The following CARS2 variants were observed in gnomAD, a reference collection of about 807,000 sequenced individuals.
CARS2 encodes the protein probable cysteine--tRNA ligase, mitochondrial.
CARS2 carries 52 observed loss-of-function variants against 68.8 expected under a neutral mutation model. That is an observed-to-expected ratio of 0.76 (90% CI 0.61 to 0.95). The LOEUF (loss-of-function observed/expected upper bound fraction) is 0.95, where lower values mean the gene tolerates loss of function less well. CARS2 is among the 40% of genes least tolerant of loss of function. CARS2 has a pLI of 0.00. For synonymous variants in CARS2, 314 were observed against 303.6 expected (o/e 1.03, Z -0.36); for missense variants, 780 against 754.2 (o/e 1.03, Z -0.40).
intron 7 of CARS2, among the ~76,000 whole-genome samples, chr13:110,671,367 T>C (rs1454376701): frequency 1.3e-5 from 2 of 152,212 alleles, no homozygotes; most frequent in African/African-American, 2.4e-5. Context: ...GCAGATCTCC[T>C]GGCAGAACCT....
intron 14 of CARS2, 138 bp from the exon 15 acceptor site, chr13:110,641,746 G>T: frequency 2.7e-6 from 2 of 733,784 alleles, no homozygotes; most frequent in South Asian, 3.0e-5. Flanking sequence ...CTTAGAAAGG[G>T]CCCCACTACC....
intron 9 of CARS2, among the ~76,000 whole-genome samples, chr13:110,662,222 T>C (rs2062522901): frequency 9.9e-6 from 1 of 101,232 alleles, no homozygotes; most frequent in Non-Finnish European, 2.0e-5. Context: ...CTCTGCGTCA[T>C]GCAACCCCAC....
chr13:110,712,558 C>G, intron 1 of CARS2: 1 of 301,068 alleles, frequency 3.3e-6, no homozygotes, highest in South Asian at 3.0e-5. Context: ...CGGGGCCGGT[C>G]GCCTAGGCAA....
intron 9 of CARS2, among the ~76,000 whole-genome samples, chr13:110,657,279 C>T (rs572300443): frequency 1.3e-5 from 2 of 152,364 alleles, no homozygotes; most frequent in East Asian, 3.9e-4. Context: ...TCTCCCCTAG[C>T]TCTGACCCCT....
At chr13:110,664,024 T>G in intron 8 of CARS2, 1 of 985,374 alleles carries the variant, frequency 1.0e-6, no homozygotes, top group Non-Finnish European at 1.2e-6. Flanking sequence ...CAGACTTTGA[T>G]GACCTGGGTA....
In CARS2 at chr13:110,701,525, C is replaced by A. The variant is rs747779015; in HGVS notation, c.306G>T (p.Arg102Ser). ...CSYVRFDIIRRILTKVFGCSI... is the reference protein window; with the variant it reads ...CSYVRFDIIRSILTKVFGCSI... The stretch of plus-strand genomic sequence containing the variant: ...TGCATCCAAAAACCTTGGTTAGGAT[C>A]CTTCGAATGATATCAAATCTAACAT... Residue 102 changes from arginine (R) to serine (S), a missense_variant, in exon 3 of 15, where the codon AGG (arginine) becomes AGT (serine). Coordinates refer to ENST00000257347, the MANE Select transcript of CARS2 (RefSeq NM_024537.4). 6.4e-7 allele frequency: 1 copy of A among 1,568,880 alleles called. No homozygotes were observed. The highest frequency in any genetic ancestry group is 1.1e-5 in the South Asian group (1 of 90,116).
upstream of CARS2, chr13:110,706,161 G>T (rs970094649): frequency 1.7e-5 from 19 of 1,142,040 alleles, no homozygotes; most frequent in African/African-American, 2.6e-4. Context: ...GGTCGCTCAA[G>T]AGCAGCACGG....
intron 2 of CARS2, among the ~76,000 whole-genome samples, chr13:110,703,371 C>A (rs1379597075): frequency 2.6e-5 from 4 of 152,114 alleles, no homozygotes; most frequent in African/African-American, 9.7e-5. Context: ...TGGGGCAGGC[C>A]AGCCCAGCAA....
intron 11 of CARS2, 119 bp downstream of exon 11, chr13:110,646,982 C>G: frequency 7.8e-7 from 1 of 1,281,074 alleles, no homozygotes. Flanking sequence ...TCCCTGACCC[C>G]AAACCTCCTG....
intron 3 of CARS2, among the ~76,000 whole-genome samples, chr13:110,693,157 G>C (rs1163460184): frequency 2.1e-5 from 3 of 142,694 alleles, no homozygotes; most frequent in African/African-American, 7.9e-5. Context: ...AGTTCAGAAA[G>C]AGACAACATA....
Position 110,687,705 on chromosome 13 carries a change from A to AT in CARS2, c.571+15_571+16insA. The AT allele has an allele frequency of 6.8e-7, 1 of 1,466,074 alleles. No homozygotes were observed. Among genetic ancestry groups the AT allele is most frequent in the Non-Finnish European group, 9.3e-7 (1 of 1,073,750 alleles). The allele number at this position is 1,466,074 out of a possible 1,614,324, so 90.8% of individuals were successfully genotyped here. On this transcript the variant is annotated intron_variant, in intron 5 of 14. Transcript: ENST00000257347. ...AAAAAAAAAAAAGAAAAAAAAAAAA[A>AT]GAACATAAACCCTACCTTTTGCCGT...
At chr13:110,710,029 T>C (rs1388570485), upstream of CARS2, among the ~76,000 whole-genome samples, 2 of 152,080 alleles carry the variant, frequency 1.3e-5, no homozygotes, top group African/African-American at 4.8e-5. Flanking sequence ...GTTTAGGGGT[T>C]TTCAAGTTTA....
chr13:110,678,950 G>A (rs1043253703), intron 6 of CARS2, among the ~76,000 whole-genome samples: 13 of 146,584 alleles, frequency 8.9e-5, no homozygotes, highest in Non-Finnish European at 1.4e-4. Flanking sequence ...CCTTCTAACC[G>A]TGGTCAAGCC....
In CARS2 at chr13:110,645,982, G is replaced by A; in HGVS notation, c.1302C>T (p.Leu434=). The part of the protein sequence containing the change: ...LGLAHHGNGQ[L]RASLKEPEGP... ...GTTGAGCTACCTTCAGGGACGCCCT[G>A]AGCTGTCCATTCCCGTGGTGTGCAA... Residue 434 remains leucine, a synonymous_variant, in exon 12 of 15, where the codon CTC becomes CTT. Coordinates refer to ENST00000257347, the MANE Select transcript of CARS2 (RefSeq NM_024537.4). The A allele has an allele frequency of 6.2e-7, 1 of 1,613,734 alleles. No individual in the cohort carries two copies. Among genetic ancestry groups the A allele is most frequent in the Non-Finnish European group, 8.5e-7 (1 of 1,179,878 alleles).
intron 6 of CARS2, among the ~76,000 whole-genome samples, chr13:110,677,607 G>A (rs1380546605): frequency 2.9e-5 from 1 of 34,306 alleles, no homozygotes; most frequent in Non-Finnish European, 6.2e-5. Context: ...ACCCCACCAC[G>A]GACACGCAGA....
At chr13:110,699,117 G>C (rs1169671412) in intron 3 of CARS2, among the ~76,000 whole-genome samples, 1 of 152,238 alleles carries the variant, frequency 6.6e-6, no homozygotes, top group African/African-American at 2.4e-5. Context: ...GGATGATGCA[G>C]TAAGAGGGCC....
At chr13:110,646,916 AC>A in intron 11 of CARS2, 184 bp downstream of exon 11, 1 of 647,410 alleles carries the variant, frequency 1.5e-6, no homozygotes, top group Non-Finnish European at 2.5e-6. Context: ...GGAGCCCCTG[AC>A]CCCACACCTG....
At position 110,686,465 on chromosome 13, in the gene CARS2, C is replaced by G. The variant is rs548105914; in HGVS notation, c.571+1256G>C. ...TCTCTCCATGTTGCCCAGGCTGGTC[C>G]TGAACTCCTGGACTCAAGTGATCCA... On this transcript the variant is annotated intron_variant, in intron 5 of 14. Coordinates refer to ENST00000257347, the MANE Select transcript of CARS2 (RefSeq NM_024537.4). 3.3e-3 allele frequency among the ~76,000 whole-genome samples: 504 copies of G among 151,642 alleles called. 1 individual carries two copies. The highest frequency in any genetic ancestry group is 5.6e-3 in the Non-Finnish European group (380 of 67,860).
At chr13:110,693,680 C>G (rs971139750) in intron 3 of CARS2, among the ~76,000 whole-genome samples, 1 of 151,922 alleles carries the variant, frequency 6.6e-6, no homozygotes, top group African/African-American at 2.4e-5. Context: ...TTCTAAAAGT[C>G]AAACTGCTTG....
Sources: gnomAD v4.1 joint callset for allele counts (sites outside exome capture counted in the v4.1 genomes callset) on GRCh38, gnomAD v4.1.1 for gene constraint, MANE v1.5 for transcripts, NCBI Gene and HGNC (gene_info 2026-07-23, HGNC 2026-07-21) for gene names.